CACNA1S: variants seen among roughly 807,000 people sequenced by gnomAD.
The protein encoded by CACNA1S is calcium voltage-gated channel subunit alpha1 S, also known as voltage-dependent L-type calcium channel subunit alpha-1S.
In CACNA1S, 126 loss-of-function variants were observed where a neutral mutation model predicts 207.4. That is an observed-to-expected ratio of 0.61 (90% CI 0.53 to 0.70). The LOEUF is 0.70. Among genes scored for constraint, CACNA1S ranks in the 30% least tolerant of loss-of-function variants. The pLI, the probability that CACNA1S is intolerant of heterozygous loss-of-function variation, is 0.00. For synonymous variants in CACNA1S, 960 were observed against 932.7 expected (o/e 1.03, Z -0.53); for missense variants, 2,349 against 2,422.8 (o/e 0.97, Z 0.64).
intron 40 of CACNA1S, 192 bp downstream of exon 40, chr1:201,043,089 C>T (rs1012393835): frequency 3.7e-5 from 24 of 647,620 alleles, no homozygotes; most frequent in African/African-American, 2.5e-4. Context: ...TGTGAGGCTT[C>T]CCCCTGCTGG....
At chr1:201,068,982 A>T (rs1661353607) in intron 19 of CACNA1S, among the ~76,000 whole-genome samples, 155 bp downstream of exon 19, 1 of 152,160 alleles carries the variant, frequency 6.6e-6, no homozygotes, top group Non-Finnish European at 1.5e-5. Flanking sequence ...CCATCCAGAT[A>T]CTTGTGGGCC....
Position 201,082,029 on chromosome 1 carries a change from A to ATTTTTTTT in CACNA1S, c.1393+1125_1393+1132dup, listed in dbSNP as rs754037624. Among the ~76,000 whole-genome samples the ATTTTTTTT allele has an allele frequency of 7.5e-4, 95 of 126,746 alleles. 3 individuals are homozygous for ATTTTTTTT. The highest frequency in any genetic ancestry group is 5.9e-3 in the East Asian group (25 of 4,260). The allele number at this position is 126,746 out of a possible 152,430, so 83.2% of individuals were successfully genotyped here. On this transcript the variant is annotated intron_variant, in intron 10 of 43. Coordinates refer to ENST00000362061, the MANE Select transcript of CACNA1S (RefSeq NM_000069.3). ...TTATAAATTACCCAGTCTCAGGTGC[A>ATTTTTTTT]TTTTTTTTTTTTTTTTTTGAGACAG...
intron 5 of CACNA1S, 100 bp downstream of exon 5, chr1:201,091,540 G>T (rs1662232845): frequency 7.6e-7 from 1 of 1,317,518 alleles, no homozygotes. Flanking sequence ...GATGTGGGCG[G>T]CAATGGCTGA....
At chr1:201,067,020 A>C (rs757754030) in intron 19 of CACNA1S, 27 bp from the exon 20 acceptor site, 1 of 1,501,260 alleles carries the variant, frequency 6.7e-7, no homozygotes, top group South Asian at 1.1e-5. Flanking sequence ...AGCAGCCTGG[A>C]TGGAGGAGCT....
chr1:201,097,641 T>A (rs900542530), intron 2 of CACNA1S, among the ~76,000 whole-genome samples: 8 of 152,202 alleles, frequency 5.3e-5, no homozygotes, highest in Admixed American at 1.3e-4. Flanking sequence ...CATCCTCACA[T>A]GTGTTTCTAA....
At chr1:201,094,273 G>A (rs1327967813) in intron 2 of CACNA1S, among the ~76,000 whole-genome samples, 1 of 151,754 alleles carries the variant, frequency 6.6e-6, no homozygotes, top group East Asian at 1.9e-4. Context: ...AGTGTAATGC[G>A]AGCCATCTCC....
chr1:201,078,924 C>G (rs1386171238), intron 10 of CACNA1S, among the ~76,000 whole-genome samples: 2 of 151,960 alleles, frequency 1.3e-5, no homozygotes, highest in African/African-American at 4.8e-5. Flanking sequence ...AGATCGAGAC[C>G]AGCCTGACCA....
At chr1:201,056,305 G>C (rs1408914498) in intron 28 of CACNA1S, among the ~76,000 whole-genome samples, 1 of 152,204 alleles carries the variant, frequency 6.6e-6, no homozygotes, top group Non-Finnish European at 1.5e-5. Flanking sequence ...TCAGCTGAGG[G>C]CTCCTTCCTC....
At chr1:201,044,526 T>A in intron 38 of CACNA1S, 70 bp from the exon 39 acceptor site, 1 of 1,575,184 alleles carries the variant, frequency 6.3e-7, no homozygotes, top group Non-Finnish European at 8.6e-7. Context: ...TTTTTCTTTT[T>A]TTGAGACAGA....
Position 201,062,400 on chromosome 1 carries a change from G to A in CACNA1S, c.2906+62C>T, listed in dbSNP as rs111722477. 670 of 1,518,678 alleles carry A rather than the reference G, an allele frequency of 4.4e-4. 1 individual carries two copies. The African/African-American group carries it at 7.4e-3, about 17-fold the overall frequency. 94.1% of individuals were successfully genotyped at this position (1,518,678 alleles called of 1,614,324 possible). ...ACCCTCCCACAGTGCTCCCTGCCCC[G>A]TGACTGTCCCACCATGCTCCCTGCC... On this transcript the variant is annotated intron_variant, in intron 23 of 43. Coordinates refer to ENST00000362061, the MANE Select transcript of CACNA1S (RefSeq NM_000069.3).
chr1:201,044,104 G>C (rs1660389405), intron 39 of CACNA1S, among the ~76,000 whole-genome samples: 1 of 152,152 alleles, frequency 6.6e-6, no homozygotes, highest in Admixed American at 6.5e-5. Context: ...GTGAGATTTG[G>C]TAGGGAAATG....
chr1:201,069,167 G>T lies in CACNA1S; in HGVS notation c.2520C>A (p.Thr840=). ...QILKHFDIGF[T]SVFTVEIVLK... is the part of the protein sequence containing the mutation. ...GGACAATCTCCACAGTGAAGACAGA[G>T]GTGAACCCGATGTCAAAGTGTTTAA... Residue 840 remains threonine, a synonymous_variant, in exon 19 of 44, where the codon ACC becomes ACA. Transcript: ENST00000362061. The T allele has an allele frequency of 1.2e-6, 2 of 1,614,186 alleles. No homozygotes were observed. The highest frequency in any genetic ancestry group is 1.7e-6 in the Non-Finnish European group (2 of 1,180,014).
At chr1:201,099,170 T>C (rs6699862) in intron 2 of CACNA1S, among the ~76,000 whole-genome samples, 122,717 of 152,178 alleles carry the variant, frequency 0.81, 50,022 homozygotes, top group Non-Finnish European at 0.87. Context: ...GCTGGTTGGG[T>C]TTTCCTCCAA....
At chr1:201,042,719 G>T (rs748543524) in intron 40 of CACNA1S, 1 of 157,874 alleles carries the variant, frequency 6.3e-6, no homozygotes, top group African/African-American at 2.4e-5. Flanking sequence ...AGGCCGAAGA[G>T]GCCTCCAATC....
chr1:201,043,668 G>A (rs906712153), intron 39 of CACNA1S, 137 bp from the exon 40 acceptor site: 7 of 772,116 alleles, frequency 9.1e-6, no homozygotes, highest in Non-Finnish European at 1.5e-5. Flanking sequence ...AGGATGGACT[G>A]AGTGGTGAGA....
At position 201,060,829 on chromosome 1, in the gene CACNA1S, C is replaced by T. The variant is rs1339227082; in HGVS notation, c.3256-13G>A. The T allele has an allele frequency of 5.0e-6, 8 of 1,613,982 alleles. No homozygotes were observed. The highest frequency in any genetic ancestry group is 6.8e-6 in the Non-Finnish European group (8 of 1,180,032). On this transcript the variant is annotated splice_polypyrimidine_tract_variant and intron_variant, in intron 25 of 43. Transcript: ENST00000362061. ...GTACACATTGGCGCTGTGACACATA[C>T]AACAGGACAGGTCAGCACCAAGAGG...
chr1:201,098,749 A>G (rs1009087935), intron 2 of CACNA1S, among the ~76,000 whole-genome samples: 4 of 151,966 alleles, frequency 2.6e-5, no homozygotes, highest in African/African-American at 9.7e-5. Context: ...GCTGTCCCTG[A>G]CCCCCTGATC....
In CACNA1S at chr1:201,111,889, A is replaced by G. The variant is rs10920122; in HGVS notation, c.152+299T>C. The stretch of plus-strand genomic sequence containing the variant: ...TTGGGTGGCCCACTCAGGCCCAGGA[A>G]GCCCCACCAAGTCCTCCTTCTCTTC... On this transcript the variant is annotated intron_variant, in intron 1 of 43. Coordinates refer to ENST00000362061, the MANE Select transcript of CACNA1S (RefSeq NM_000069.3). Among the ~76,000 whole-genome samples the G allele has an allele frequency of 0.17, 19,160 of 112,572 alleles. 1,281 individuals carry two copies. Among genetic ancestry groups the G allele is most frequent in the Middle Eastern group, 0.27 (52 of 196 alleles). The allele number at this position is 112,572 out of a possible 152,430, so 73.9% of individuals were successfully genotyped here. A position where few individuals can be genotyped will look rare whatever the true frequency, so the allele number is the denominator to read the frequency against.
At chr1:201,065,545 C>T (rs1225467305) in intron 22 of CACNA1S, among the ~76,000 whole-genome samples, 1 of 152,200 alleles carries the variant, frequency 6.6e-6, no homozygotes, top group Non-Finnish European at 1.5e-5. Context: ...AGACACATGA[C>T]CCTCTGCTAC....
Sources: gnomAD v4.1 joint callset for allele counts (sites outside exome capture counted in the v4.1 genomes callset) on GRCh38, gnomAD v4.1.1 for gene constraint, MANE v1.5 for transcripts, NCBI Gene and HGNC (gene_info 2026-07-23, HGNC 2026-07-21) for gene names.